Variants in KLRG1 observed in about 807,000 individuals in gnomAD.
KLRG1 encodes killer cell lectin like receptor G1, also known as killer cell lectin-like receptor subfamily G member 1.
In KLRG1, 16 loss-of-function variants were observed where a neutral mutation model predicts 21.8. The observed-to-expected ratio is 0.73, with a 90% CI of 0.50 to 1.11. The LOEUF (loss-of-function observed/expected upper bound fraction) is 1.11, where lower values mean the gene tolerates loss of function less well. KLRG1 is among the 50% of genes most tolerant of loss of function. The pLI is 0.00. For missense variants in KLRG1, 173 were observed against 218.3 expected, an observed-to-expected ratio of 0.79 and a Z score of 1.31; for synonymous variants, 69 against 75.9, an observed-to-expected ratio of 0.91 and a Z score of 0.47.
chr12:9,043,690 T>C, the KLRG1 span, among the ~76,000 whole-genome samples: 1 of 152,304 alleles, frequency 6.6e-6, no homozygotes, highest in South Asian at 2.1e-4. Context: ...CCTCAAGAGG[T>C]GAAATCTGTT....
chr12:9,197,805 A>G, the KLRG1 span, among the ~76,000 whole-genome samples: 5 of 86,278 alleles, frequency 5.8e-5, no homozygotes, highest in African/African-American at 2.5e-4. Context: ...ATATTATACA[A>G]TACATAATAT....
At chr12:9,163,995 A>C in the KLRG1 span, 9 of 1,271,562 alleles carry the variant, frequency 7.1e-6, no homozygotes, top group Admixed American at 1.4e-4. Context: ...AGGAGGTCAT[A>C]GTGGATAGAA....
At chr12:9,110,564 G>C in the KLRG1 span, among the ~76,000 whole-genome samples, 3 of 151,660 alleles carry the variant, frequency 2.0e-5, no homozygotes, top group African/African-American at 7.3e-5. Flanking sequence ...TGCAATGCAT[G>C]ATAATAATCA....
the KLRG1 span, among the ~76,000 whole-genome samples, chr12:9,117,266 C>T: frequency 6.6e-6 from 1 of 152,088 alleles, no homozygotes; most frequent in Non-Finnish European, 1.5e-5. Context: ...AGTGGATTGA[C>T]TTCAGGTTTG....
Position 8,961,663 on chromosome 12 carries a change from T to C in KLRG1, c.-156+11427T>C, listed in dbSNP as rs142282821. On this transcript the variant is annotated intron_variant, in intron 1 of 4. Coordinates refer to the KLRG1 transcript ENST00000539240. ...CTTGAACTCTTGACCTCAGGTGATC[T>C]GTCTGCCTCGGCCTCCCAAACTGGG... Among the ~76,000 whole-genome samples the C allele has an allele frequency of 4.3e-4, 66 of 152,188 alleles. 1 individual carries two copies. The highest frequency in any genetic ancestry group is 3.4e-3 in the Middle Eastern group (1 of 294).
the KLRG1 span, chr12:9,196,475 A>T: frequency 6.3e-7 from 1 of 1,575,400 alleles, no homozygotes; most frequent in Admixed American, 1.7e-5. Context: ...TTTAGAAGTT[A>T]CTTTAGTCAT....
the KLRG1 span, among the ~76,000 whole-genome samples, chr12:9,083,207 A>G: frequency 1.3e-5 from 2 of 152,050 alleles, no homozygotes; most frequent in Admixed American, 6.6e-5. Context: ...ACTTGGACAC[A>G]GGAAGGGGAA....
chr12:9,159,981 T>C, the KLRG1 span: 1 of 1,614,020 alleles, frequency 6.2e-7, no homozygotes, highest in Non-Finnish European at 8.5e-7. Flanking sequence ...CCAAAGGTGC[T>C]GTAGGAGCCA....
At chr12:9,181,064 A>G in the KLRG1 span, 1 of 1,614,156 alleles carries the variant, frequency 6.2e-7, no homozygotes, top group Non-Finnish European at 8.5e-7. Flanking sequence ...GGGACTGCGG[A>G]GCAGCTGCTA....
At chr12:9,181,276 C>T in the KLRG1 span, 2 of 1,068,108 alleles carry the variant, frequency 1.9e-6, no homozygotes, top group Non-Finnish European at 2.7e-6. Flanking sequence ...TACAACTTTC[C>T]TTCACTTTAA....
At chr12:8,993,218 G>T (rs758162783) in intron 2 of KLRG1, among the ~76,000 whole-genome samples, 1 of 151,730 alleles carries the variant, frequency 6.6e-6, no homozygotes, top group African/African-American at 2.4e-5. Flanking sequence ...TAGAGTCCTA[G>T]CTTAGGTTTA....
intron 3 of KLRG1, among the ~76,000 whole-genome samples, chr12:9,004,481 A>T (rs959249774): frequency 6.6e-6 from 1 of 152,096 alleles, no homozygotes; most frequent in African/African-American, 2.4e-5. Flanking sequence ...ATAATTTTTT[A>T]AAAAAGAGAT....
chr12:9,093,285 T>A, the KLRG1 span, among the ~76,000 whole-genome samples: 1 of 152,202 alleles, frequency 6.6e-6, no homozygotes, highest in Admixed American at 6.5e-5. Context: ...AGCTAATGGA[T>A]GTGTTAATTT....
At chr12:9,005,827 G>A (rs1180404388) in intron 3 of KLRG1, among the ~76,000 whole-genome samples, 1 of 152,166 alleles carries the variant, frequency 6.6e-6, no homozygotes, top group Non-Finnish European at 1.5e-5. Flanking sequence ...TCCCTCACAT[G>A]TGCAGTTCAC....
chr12:9,203,821 G>A, the KLRG1 span: 1 of 1,614,136 alleles, frequency 6.2e-7, no homozygotes, highest in South Asian at 1.1e-5. Context: ...TCAGTGAAGA[G>A]GCTCCTGTTT....
At chr12:9,168,735 G>A in the KLRG1 span, 1 of 709,176 alleles carries the variant, frequency 1.4e-6, no homozygotes, top group Non-Finnish European at 2.3e-6. Context: ...ACCTCAGCAA[G>A]AAACAATTAA....
At chr12:9,124,624 G>C in the KLRG1 span, among the ~76,000 whole-genome samples, 59,946 of 152,112 alleles carry the variant, frequency 0.39, 12,217 homozygotes, top group African/African-American at 0.44. Flanking sequence ...CACAGGTGCA[G>C]GTCCAGGCAT....
chr12:9,142,691 A>G, the KLRG1 span, among the ~76,000 whole-genome samples: 3 of 152,268 alleles, frequency 2.0e-5, no homozygotes, highest in Admixed American at 2.0e-4. Flanking sequence ...TTTTTTTCTA[A>G]TTTTCCAATT....
chr12:9,197,436 T>G, the KLRG1 span, among the ~76,000 whole-genome samples: 4 of 136,174 alleles, frequency 2.9e-5, no homozygotes, highest in African/African-American at 8.5e-5. Context: ...TTATTAATTA[T>G]TGGAGTACTG....
Sources: gnomAD v4.1 joint callset for allele counts (sites outside exome capture counted in the v4.1 genomes callset) on GRCh38, gnomAD v4.1.1 for gene constraint, MANE v1.5 for transcripts, NCBI Gene and HGNC (gene_info 2026-07-23, HGNC 2026-07-21) for gene names.